PHACTR3: variants seen among roughly 807,000 people sequenced by gnomAD.
PHACTR3 encodes the protein phosphatase and actin regulator 3.
A neutral mutation model predicts 66.8 loss-of-function variants in PHACTR3; 16 were observed. The observed-to-expected ratio is 0.24, with a 90% CI of 0.16 to 0.36. PHACTR3 has a LOEUF of 0.36. Among genes scored for constraint, PHACTR3 ranks in the 10% least tolerant of loss-of-function variants. The probability of loss-of-function intolerance (pLI) is 1.00; values close to 1 mark genes in which losing one functional copy is unlikely to be tolerated. For missense variants in PHACTR3, 647 were observed against 719.9 expected (o/e 0.90, Z 1.16); for synonymous variants, 323 against 292.1 (o/e 1.11, Z -1.08).
intron 1 of PHACTR3, among the ~76,000 whole-genome samples, chr20:59,665,913 A>G (rs1454851066): frequency 1.3e-5 from 2 of 152,186 alleles, no homozygotes; most frequent in East Asian, 3.9e-4. Flanking sequence ...GGGGACTGCA[A>G]GAGTCCCCTC....
chr20:59,810,744 C>T (rs1366655058), intron 8 of PHACTR3, among the ~76,000 whole-genome samples: 2 of 152,220 alleles, frequency 1.3e-5, no homozygotes, highest in African/African-American at 2.4e-5. Flanking sequence ...CTGGGACCCC[C>T]AGGAAAGTCA....
Position 59,738,659 on chromosome 20 carries a change from C to T in PHACTR3, c.119-4448C>T, listed in dbSNP as rs370264581. 6.6e-6 allele frequency among the ~76,000 whole-genome samples: 1 copy of T among 152,132 alleles called. No homozygotes were observed. On this transcript the variant is annotated intron_variant, in intron 1 of 12. Coordinates refer to ENST00000371015, the MANE Select transcript of PHACTR3 (RefSeq NM_080672.5). The surrounding 1 kb of genome is among the most constrained non-coding windows in gnomAD (Gnocchi z 4.4). ...TGTGGTGTCTGTCGTGGGGACCCAC[C>T]TAACTCCTTGATGCTGTGGCCCTCA...
At chr20:59,837,552 AC>A (rs531944447) in intron 9 of PHACTR3, among the ~76,000 whole-genome samples, 1 of 152,154 alleles carries the variant, frequency 6.6e-6, no homozygotes, top group Non-Finnish European at 1.5e-5. Context: ...TCTTCATTTT[AC>A]TTTTTAAACT....
intron 9 of PHACTR3, among the ~76,000 whole-genome samples, chr20:59,838,197 G>T (rs564023741): frequency 6.6e-6 from 1 of 152,144 alleles, no homozygotes; most frequent in South Asian, 2.1e-4. Context: ...GAATTTTACT[G>T]CTAGGTTTGT....
At chr20:59,710,164 C>T (rs970140582) in intron 1 of PHACTR3, among the ~76,000 whole-genome samples, 4 of 152,048 alleles carry the variant, frequency 2.6e-5, no homozygotes, top group African/African-American at 9.7e-5. Context: ...TCTAGTTCAC[C>T]CCTATTCTTG....
At chr20:59,620,057 C>T (rs369194377) in intron 1 of PHACTR3, among the ~76,000 whole-genome samples, 15 of 152,186 alleles carry the variant, frequency 9.9e-5, no homozygotes, top group Non-Finnish European at 1.5e-4. Context: ...TCCCTGGCTT[C>T]TCACACTCAC....
rs192445940 is a variant in PHACTR3, at chr20:59,589,591, C to T, written c.109+11974C>T. Among the ~76,000 whole-genome samples, 8 of 152,022 alleles carry T rather than the reference C, an allele frequency of 5.3e-5. No homozygotes were observed. In the East Asian group the frequency reaches 9.7e-4, roughly 18 times the overall value. ...AGTACTTAATCTACAGTTGCTGCGA[C>T]GGGGTGCTGGTGGCATGAATCTGTG... On this transcript the variant is annotated intron_variant, in intron 1 of 12. Coordinates refer to the PHACTR3 transcript ENST00000359926.
chr20:59,615,039 T>C lies in PHACTR3; in HGVS notation c.118+9907T>C, dbSNP rs142374018. ...GTTTTTCGGGGATCTGCCTGGCCCC[T>C]ACCCCACATTCTTTATTTTCCTGTT... is the stretch of plus-strand genomic sequence containing the variant. On this transcript the variant is annotated intron_variant, in intron 1 of 12. Transcript: ENST00000371015. Among the ~76,000 whole-genome samples the C allele has an allele frequency of 1.4e-4, 21 of 152,302 alleles. No homozygotes were observed. In the Middle Eastern group the frequency reaches 0.014, roughly 99 times the overall value.
chr20:59,680,101 T>A (rs972602488), intron 1 of PHACTR3, among the ~76,000 whole-genome samples: 1 of 152,110 alleles, frequency 6.6e-6, no homozygotes, highest in Non-Finnish European at 1.5e-5. Context: ...TCCTTCTTCC[T>A]GTCCCCATCT....
chr20:59,694,826 A>T (rs1411070933), intron 1 of PHACTR3, among the ~76,000 whole-genome samples: 1 of 152,126 alleles, frequency 6.6e-6, no homozygotes, highest in Non-Finnish European at 1.5e-5. Flanking sequence ...GACAGGGGGA[A>T]ATGCTGTGGG....
chr20:59,698,187 A>T (rs979283484), intron 1 of PHACTR3, among the ~76,000 whole-genome samples: 3 of 152,224 alleles, frequency 2.0e-5, no homozygotes, highest in African/African-American at 7.2e-5. Context: ...CTAAATTTCT[A>T]TGGGAGGAAA....
At chr20:59,819,323 T>A (rs527474649) in intron 8 of PHACTR3, among the ~76,000 whole-genome samples, 2 of 150,540 alleles carry the variant, frequency 1.3e-5, no homozygotes, top group South Asian at 4.5e-4. Context: ...CCTGCTATTT[T>A]CCAGATCAGC....
intron 8 of PHACTR3, 48 bp from the exon 9 acceptor site, chr20:59,836,457 G>A (rs2058967841): frequency 1.3e-6 from 2 of 1,581,220 alleles, no homozygotes; most frequent in Non-Finnish European, 1.7e-6. Context: ...GGTGGAATTT[G>A]CAGGCAGCCA....
chr20:59,672,935 G>A (rs887424892), intron 1 of PHACTR3, among the ~76,000 whole-genome samples: 1 of 152,208 alleles, frequency 6.6e-6, no homozygotes, highest in African/African-American at 2.4e-5. Context: ...CTAGGCTGTG[G>A]TGGTGGGGTT....
intron 1 of PHACTR3, among the ~76,000 whole-genome samples, chr20:59,610,606 A>G (rs1429858765): frequency 6.6e-6 from 1 of 152,266 alleles, no homozygotes; most frequent in Non-Finnish European, 1.5e-5. Flanking sequence ...CCTCAGTTGT[A>G]GCCACATTTC....
At chr20:59,683,321 C>T (rs1296923979) in intron 1 of PHACTR3, among the ~76,000 whole-genome samples, 1 of 152,198 alleles carries the variant, frequency 6.6e-6, no homozygotes, top group East Asian at 1.9e-4. Flanking sequence ...TGGCAATTGG[C>T]TGCACAACTC....
Position 59,632,475 on chromosome 20 carries a change from T to C in PHACTR3, c.118+27343T>C, listed in dbSNP as rs2034703809. Among the ~76,000 whole-genome samples, 4 of 152,178 alleles carry C rather than the reference T, an allele frequency of 2.6e-5. 1 individual carries two copies. In the South Asian group the frequency reaches 8.3e-4, roughly 31 times the overall value. On this transcript the variant is annotated intron_variant, in intron 1 of 12. Coordinates refer to ENST00000371015, the MANE Select transcript of PHACTR3 (RefSeq NM_080672.5). ...AAGAAGTCACAGAGCTGGTCGGCTGTGGGCTTGGAGTGCTGGTGGCCATTT... is the reference window on the plus strand; with the variant it reads ...AAGAAGTCACAGAGCTGGTCGGCTGCGGGCTTGGAGTGCTGGTGGCCATTT...
chr20:59,769,591 G>T (rs1394044614), intron 5 of PHACTR3, among the ~76,000 whole-genome samples: 1 of 152,228 alleles, frequency 6.6e-6, no homozygotes, highest in Non-Finnish European at 1.5e-5. Flanking sequence ...TACACGCCTT[G>T]TCTGTTGGAT....
intron 1 of PHACTR3, among the ~76,000 whole-genome samples, chr20:59,627,241 G>C (rs1301345257): frequency 6.6e-6 from 1 of 152,198 alleles, no homozygotes; most frequent in Non-Finnish European, 1.5e-5. Context: ...ATGCACGTGT[G>C]TGGGTTTGCC....
Sources: allele counts gnomAD v4.1 joint callset (sites outside exome capture counted in the v4.1 genomes callset), GRCh38; gene constraint gnomAD v4.1.1; non-coding constraint Gnocchi (gnomAD v3.1); transcripts MANE v1.5; gene names NCBI Gene and HGNC (gene_info 2026-07-23, HGNC 2026-07-21).